Variants in MBOAT1 observed in about 807,000 individuals in gnomAD.
The protein encoded by MBOAT1 is membrane-bound glycerophospholipid O-acyltransferase 1.
MBOAT1 carries 67 observed loss-of-function variants against 64.4 expected under a neutral mutation model. The observed-to-expected ratio is 1.04, with a 90% confidence interval of 0.85 to 1.27. MBOAT1 has a LOEUF of 1.27. MBOAT1 is among the 50% of genes most tolerant of loss of function. The pLI is 0.00. For synonymous variants in MBOAT1, 229 were observed against 218.9 expected, an observed-to-expected ratio of 1.05 and a Z score of -0.41; for missense variants, 563 against 604.6, an observed-to-expected ratio of 0.93 and a Z score of 0.72.
chr6:20,152,732 G>A lies in MBOAT1; in HGVS notation c.137C>T (p.Ala46Val). ...TAAGTAGATGCGAAACCAGAAAGCAGCAAACAGAGCAACAAGCTGGCATAC... is the reference window on the plus strand; with the variant it reads ...TAAGTAGATGCGAAACCAGAAAGCAACAAACAGAGCAACAAGCTGGCATAC... ...FVVCQLVALF[A>V]AFWFRIYLRP... is the part of the protein sequence containing the mutation. The change falls in exon 2 of 13, where the codon GCT (alanine) becomes GTT (valine). Residue 46 changes from alanine (A) to valine (V), a missense_variant. Transcript: ENST00000324607. 28 of 1,612,302 alleles carry A rather than the reference G, an allele frequency of 1.7e-5. No individual in the cohort carries two copies. The highest frequency in any genetic ancestry group is 2.4e-5 in the Non-Finnish European group (28 of 1,178,748).
At chr6:20,188,125 T>C (rs983387813) in intron 1 of MBOAT1, among the ~76,000 whole-genome samples, 1 of 152,184 alleles carries the variant, frequency 6.6e-6, no homozygotes, top group South Asian at 2.1e-4. Flanking sequence ...GATTAGAGGG[T>C]ATTCAGAGAT....
chr6:20,183,305 C>A (rs1762561071), intron 1 of MBOAT1, among the ~76,000 whole-genome samples: 3 of 152,214 alleles, frequency 2.0e-5, no homozygotes. Flanking sequence ...TTTACTAAGA[C>A]TATGTGAGGA....
intron 1 of MBOAT1, among the ~76,000 whole-genome samples, chr6:20,193,595 C>T (rs1762869531): frequency 6.7e-6 from 1 of 149,200 alleles, no homozygotes; most frequent in Non-Finnish European, 1.5e-5. Context: ...TCAAGAGGAA[C>T]CAAAAATCCT....
intron 1 of MBOAT1, among the ~76,000 whole-genome samples, chr6:20,189,978 G>GT (rs879497541): frequency 5.4e-4 from 79 of 146,844 alleles, no homozygotes; most frequent in Middle Eastern, 7.0e-3. Flanking sequence ...AAAGCTCTAA[G>GT]TTTTTTTTTT....
At chr6:20,155,417 A>G (rs940555836) in intron 1 of MBOAT1, among the ~76,000 whole-genome samples, 1 of 152,190 alleles carries the variant, frequency 6.6e-6, no homozygotes, top group African/African-American at 2.4e-5. Context: ...ACCTAAAAGT[A>G]ATTGTGAAAT....
At chr6:20,152,335 AAAAT>A (rs1456186974) in intron 2 of MBOAT1, among the ~76,000 whole-genome samples, 922 of 71,324 alleles carry the variant, frequency 0.013, 5 homozygotes, top group East Asian at 0.041. Flanking sequence ...TCAAAAAAAA[AAAAT>A]AAAAAATAAA....
chr6:20,127,917 C>T (rs1411005571), intron 6 of MBOAT1, among the ~76,000 whole-genome samples: 1 of 152,120 alleles, frequency 6.6e-6, no homozygotes, highest in African/African-American at 2.4e-5. Context: ...ACAGCATTTA[C>T]ACCTCCATTG....
Position 20,109,607 on chromosome 6 carries a change from C to G in MBOAT1, c.1352G>C (p.Ser451Thr), listed in dbSNP as rs777864824. 5 of 1,612,426 alleles carry G rather than the reference C, an allele frequency of 3.1e-6. No homozygotes were observed. The Admixed American group carries it at 6.7e-5, about 22-fold the overall frequency. Residue 451 changes from serine to threonine, a missense_variant, in exon 12 of 13, where the codon AGC becomes ACC. By Grantham distance (58) the Ser-to-Thr change is moderately conservative. Transcript: ENST00000324607. ...AACAACGGAAACTTACTTGTATAAGCTGATGGTCGGTTCAACTGCCAACAT... is the reference window on the plus strand; with the variant it reads ...AACAACGGAAACTTACTTGTATAAGGTGATGGTCGGTTCAACTGCCAACAT... Reference protein sequence around the residue: ...FVMLAVEPTISLYKSMYFYLH... With the variant: ...FVMLAVEPTITLYKSMYFYLH...
At chr6:20,147,963 G>A (rs568507380) in intron 3 of MBOAT1, among the ~76,000 whole-genome samples, 6 of 152,298 alleles carry the variant, frequency 3.9e-5, no homozygotes, top group African/African-American at 1.2e-4. Flanking sequence ...AAGTTCTCAC[G>A]CTAGGCCCTC....
At chr6:20,181,602 G>T (rs1445071711) in intron 1 of MBOAT1, among the ~76,000 whole-genome samples, 1 of 152,210 alleles carries the variant, frequency 6.6e-6, no homozygotes, top group Non-Finnish European at 1.5e-5. Flanking sequence ...AAAAATGGCA[G>T]AAGCTTTGCT....
At chr6:20,168,828 G>C (rs1429246819) in intron 1 of MBOAT1, among the ~76,000 whole-genome samples, 2 of 143,970 alleles carry the variant, frequency 1.4e-5, no homozygotes, top group Non-Finnish European at 3.1e-5. Context: ...AGGAAGAGGA[G>C]AGGACAGGAG....
rs76825024 is a variant in MBOAT1, at chr6:20,125,817, G to A, written c.714+700C>T. On this transcript the variant is annotated intron_variant, in intron 7 of 12. Transcript: ENST00000324607. ...CTTAACTCATAGTCTTTGCCAAGGC[G>A]TTAGCAGTTTCAAAATGTTTAACTT... 2.3e-4 allele frequency: 92 copies of A among 399,842 alleles called. No individual in the cohort carries two copies. In the East Asian group the frequency reaches 6.3e-3, roughly 27 times the overall value. 24.8% of individuals were successfully genotyped at this position (399,842 alleles called of 1,614,324 possible). A position where few individuals can be genotyped will look rare whatever the true frequency, so the allele number is the denominator to read the frequency against.
intron 11 of MBOAT1, among the ~76,000 whole-genome samples, chr6:20,112,366 T>C (rs1021541037): frequency 2.0e-5 from 3 of 152,122 alleles, no homozygotes; most frequent in African/African-American, 7.2e-5. Flanking sequence ...CAAACTAAGC[T>C]AACTGCGTTG....
rs1047518625 is a variant in MBOAT1 at position 20,212,277 on chromosome 6, C to T, written c.-43G>A. 1.9e-6 allele frequency: 3 copies of T among 1,565,540 alleles called. No individual in the cohort carries two copies. The East Asian group carries it at 6.8e-5, about 36-fold the overall frequency. Reference sequence around the variant, plus strand: ...TGGCTGCCCCTGTCCCAGCCCGCAACACCCCCTGCTCGGCGTCCTCCCGCC... The same window carrying T: ...TGGCTGCCCCTGTCCCAGCCCGCAATACCCCCTGCTCGGCGTCCTCCCGCC... On this transcript the variant is annotated 5_prime_UTR_variant, in exon 1 of 13. Coordinates refer to ENST00000324607, the MANE Select transcript of MBOAT1 (RefSeq NM_001080480.3).
At chr6:20,148,330 T>A (rs1165137675) in intron 3 of MBOAT1, among the ~76,000 whole-genome samples, 1 of 152,058 alleles carries the variant, frequency 6.6e-6, no homozygotes, top group East Asian at 1.9e-4. Flanking sequence ...GGCAGGAGAA[T>A]CACTTGAACT....
At chr6:20,157,781 A>G (rs1381435475) in intron 1 of MBOAT1, among the ~76,000 whole-genome samples, 1 of 152,204 alleles carries the variant, frequency 6.6e-6, no homozygotes, top group Non-Finnish European at 1.5e-5. Context: ...CACTTTTTAT[A>G]GACAGCAAAA....
intron 10 of MBOAT1, among the ~76,000 whole-genome samples, chr6:20,114,810 G>T (rs918831411): frequency 4.6e-5 from 7 of 151,852 alleles, no homozygotes; most frequent in Non-Finnish European, 8.8e-5. Context: ...CTTGAACCCG[G>T]GAGGCAGAGG....
At chr6:20,189,896 A>G (rs1050008237) in intron 1 of MBOAT1, among the ~76,000 whole-genome samples, 2 of 151,460 alleles carry the variant, frequency 1.3e-5, no homozygotes, top group African/African-American at 4.8e-5. Flanking sequence ...GTATTCCACT[A>G]TTTATGTATT....
At chr6:20,192,187 AC>A (rs1762821111) in intron 1 of MBOAT1, among the ~76,000 whole-genome samples, 1 of 152,194 alleles carries the variant, frequency 6.6e-6, no homozygotes, top group Non-Finnish European at 1.5e-5. Context: ...TCCTGGGTAC[AC>A]TAAACTTATT....
Sources: allele counts gnomAD v4.1 joint callset (sites outside exome capture counted in the v4.1 genomes callset), GRCh38; gene constraint gnomAD v4.1.1; transcripts MANE v1.5; gene names NCBI Gene and HGNC (gene_info 2026-07-23, HGNC 2026-07-21).